NRG1: variants seen among roughly 807,000 people sequenced by gnomAD.
The protein encoded by NRG1 is pro-neuregulin-1, membrane-bound isoform.
NRG1 carries 18 observed loss-of-function variants against 63.8 expected under a neutral mutation model. The ratio of observed to expected loss-of-function variants is 0.28; its 90% confidence interval spans 0.19 to 0.42. The LOEUF is 0.42. NRG1 is among the 10% of genes least tolerant of loss of function. The probability of loss-of-function intolerance (pLI) is 1.00; values close to 1 mark genes in which losing one functional copy is unlikely to be tolerated. For missense variants in NRG1, 762 were observed against 814.7 expected (o/e 0.94, Z 0.79); for synonymous variants, 302 against 301.3 (o/e 1.00, Z -0.02).
chr8:32,107,218 A>C (rs1326589502), intron 1 of NRG1, among the ~76,000 whole-genome samples: 3 of 858 alleles, frequency 3.5e-3, no homozygotes, highest in Non-Finnish European at 0.03. Flanking sequence ...TCAGTCTTAA[A>C]AGAAAAAAAA....
intron 1 of NRG1, among the ~76,000 whole-genome samples, chr8:32,210,862 T>C (rs905366822): frequency 6.6e-6 from 1 of 152,220 alleles, no homozygotes; most frequent in Non-Finnish European, 1.5e-5. Flanking sequence ...TGATATTCTC[T>C]CTTTCTTCTT....
At chr8:31,727,368 C>T (rs1463871846) in intron 1 of NRG1, among the ~76,000 whole-genome samples, 1 of 152,148 alleles carries the variant, frequency 6.6e-6, no homozygotes, top group Non-Finnish European at 1.5e-5. Flanking sequence ...TAAGTTTCTT[C>T]CCCTTCACAG....
At chr8:32,146,142 TG>T (rs1453581717) in intron 1 of NRG1, among the ~76,000 whole-genome samples, 1 of 152,184 alleles carries the variant, frequency 6.6e-6, no homozygotes, top group Non-Finnish European at 1.5e-5. Context: ...AGAACCAGAA[TG>T]TTTTTTACCG....
chr8:31,854,924 G>C (rs890515559), intron 1 of NRG1, among the ~76,000 whole-genome samples: 1 of 152,190 alleles, frequency 6.6e-6, no homozygotes, highest in African/African-American at 2.4e-5. Flanking sequence ...GAGCGGTTTT[G>C]AGTGAGATTC....
intron 1 of NRG1, among the ~76,000 whole-genome samples, chr8:32,572,958 C>T (rs1838891712): frequency 1.3e-5 from 2 of 152,134 alleles, no homozygotes; most frequent in African/African-American, 2.4e-5. Context: ...GTTAATTTCG[C>T]CACCATTTTT....
At chr8:31,905,439 T>G (rs548276874) in intron 1 of NRG1, among the ~76,000 whole-genome samples, 3 of 152,340 alleles carry the variant, frequency 2.0e-5, no homozygotes, top group Non-Finnish European at 4.4e-5. Context: ...TTATACATGA[T>G]AATTGTCACT....
upstream of NRG1, among the ~76,000 whole-genome samples, chr8:32,546,374 T>C (rs1295745025): frequency 6.6e-6 from 1 of 152,154 alleles, no homozygotes; most frequent in African/African-American, 2.4e-5. Context: ...TTGCTTTCAG[T>C]CCTTCAATTC....
intron 1 of NRG1, among the ~76,000 whole-genome samples, chr8:31,925,137 TG>T (rs1321373601): frequency 1.3e-5 from 2 of 151,494 alleles, no homozygotes; most frequent in African/African-American, 4.8e-5. Flanking sequence ...TATATATGTG[TG>T]TGTGTGTGTA....
At chr8:32,012,971 G>A (rs898959562) in intron 1 of NRG1, among the ~76,000 whole-genome samples, 1 of 152,058 alleles carries the variant, frequency 6.6e-6, no homozygotes, top group Non-Finnish European at 1.5e-5. Context: ...TGTTACCAGA[G>A]AAATTGAATG....
At chr8:32,031,814 G>A (rs1818295659) in intron 1 of NRG1, among the ~76,000 whole-genome samples, 1 of 152,132 alleles carries the variant, frequency 6.6e-6, no homozygotes, top group South Asian at 2.1e-4. Flanking sequence ...TGGCTGCATA[G>A]TATTCCATGG....
At chr8:32,488,142 C>A (rs1246100220) in intron 1 of NRG1, among the ~76,000 whole-genome samples, 1 of 152,184 alleles carries the variant, frequency 6.6e-6, no homozygotes, top group East Asian at 1.9e-4. Context: ...GACCTTGTTT[C>A]TAGTAGGACT....
intron 1 of NRG1, among the ~76,000 whole-genome samples, chr8:31,779,838 A>C (rs1203897438): frequency 6.6e-6 from 1 of 152,224 alleles, no homozygotes; most frequent in Non-Finnish European, 1.5e-5. Flanking sequence ...TTGTGAATGG[A>C]TCTTTCAACA....
chr8:32,410,362 G>A (rs1814738578), intron 1 of NRG1, among the ~76,000 whole-genome samples: 1 of 151,306 alleles, frequency 6.6e-6, no homozygotes, highest in African/African-American at 2.4e-5. Context: ...TGCATTTTTT[G>A]TAGAGACAGG....
intron 1 of NRG1, among the ~76,000 whole-genome samples, chr8:31,811,852 C>T (rs942733436): frequency 5.3e-5 from 8 of 151,990 alleles, no homozygotes; most frequent in African/African-American, 1.9e-4. Context: ...GCTAGATGGC[C>T]CCACTGATTT....
At chr8:32,318,826 A>G (rs1201276975) in intron 1 of NRG1, among the ~76,000 whole-genome samples, 2 of 152,134 alleles carry the variant, frequency 1.3e-5, no homozygotes, top group Non-Finnish European at 2.9e-5. Context: ...TGGTCAATCA[A>G]GTTTCTTATT....
intron 1 of NRG1, among the ~76,000 whole-genome samples, chr8:31,715,415 C>G (rs1414211520): frequency 1.3e-5 from 2 of 152,082 alleles, no homozygotes; most frequent in African/African-American, 4.8e-5. Flanking sequence ...CACTTGAATG[C>G]ATGGGCTGCT....
At chr8:31,736,848 C>T (rs759612970) in intron 1 of NRG1, among the ~76,000 whole-genome samples, 5 of 152,126 alleles carry the variant, frequency 3.3e-5, no homozygotes, top group African/African-American at 4.8e-5. Flanking sequence ...TATGTATGTA[C>T]GTACACACAC....
chr8:32,560,875 T>G (rs184018214), intron 1 of NRG1, among the ~76,000 whole-genome samples: 1 of 152,364 alleles, frequency 6.6e-6, no homozygotes, highest in East Asian at 1.9e-4. Context: ...GCCTGGCACC[T>G]AATGTTTGCT....
chr8:32,657,911 C>G (rs1256489579), intron 5 of NRG1, among the ~76,000 whole-genome samples: 1 of 152,122 alleles, frequency 6.6e-6, no homozygotes, highest in Non-Finnish European at 1.5e-5. Context: ...TCAAGCAACT[C>G]CTATGATTCT....
Sources: allele counts gnomAD v4.1 joint callset (sites outside exome capture counted in the v4.1 genomes callset), GRCh38; gene constraint gnomAD v4.1.1; transcripts MANE v1.5; gene names NCBI Gene and HGNC (gene_info 2026-07-23, HGNC 2026-07-21).